Variants in HDAC9 observed in about 807,000 individuals in gnomAD.
HDAC9 encodes the protein MEF-2 interacting transcription repressor (MITR) protein.
Under a neutral mutation model 139.4 loss-of-function variants are expected in HDAC9, and 41 were observed. The ratio of observed to expected loss-of-function variants is 0.29; its 90% CI spans 0.23 to 0.38. The LOEUF (loss-of-function observed/expected upper bound fraction) is 0.38. Among genes scored for constraint, HDAC9 ranks in the 10% least tolerant of loss-of-function variants. The pLI is 1.00. For synonymous variants in HDAC9, 517 were observed against 476.2 expected, an observed-to-expected ratio of 1.09 and a Z score of -1.12; for missense variants, 1,147 against 1,297.0, an observed-to-expected ratio of 0.88 and a Z score of 1.78.
chr7:18,683,858 C>CT (rs1395014032), intron 12 of HDAC9, among the ~76,000 whole-genome samples: 16 of 152,058 alleles, frequency 1.1e-4, no homozygotes, highest in Admixed American at 7.2e-4. Flanking sequence ...ATTTTTCAAA[C>CT]TTTTTTAATT....
chr7:18,645,114 C>T (rs1786959442), intron 9 of HDAC9, among the ~76,000 whole-genome samples: 1 of 152,060 alleles, frequency 6.6e-6, no homozygotes, highest in Admixed American at 6.6e-5. Flanking sequence ...TTACAGCCCA[C>T]GTTTTTACAG....
intron 22 of HDAC9, among the ~76,000 whole-genome samples, chr7:18,920,104 C>A (rs1436422800): frequency 6.6e-6 from 1 of 152,112 alleles, no homozygotes; most frequent in East Asian, 1.9e-4. Context: ...GCCATTTTCA[C>A]AAGATTGATT....
intron 1 of HDAC9, among the ~76,000 whole-genome samples, chr7:18,409,898 C>T (rs540554905): frequency 1.3e-5 from 2 of 152,248 alleles, no homozygotes; most frequent in East Asian, 1.9e-4. Flanking sequence ...AGGAGCATAG[C>T]TTGTTTTAGC....
chr7:18,554,368 T>C (rs1220639184), intron 2 of HDAC9, among the ~76,000 whole-genome samples: 2 of 137,898 alleles, frequency 1.5e-5, no homozygotes, highest in Admixed American at 7.5e-5. Context: ...ACGGAGTCTC[T>C]GTCATCACCC....
intron 17 of HDAC9, among the ~76,000 whole-genome samples, chr7:18,810,644 A>C (rs1372658411): frequency 6.6e-6 from 1 of 151,920 alleles, no homozygotes; most frequent in Non-Finnish European, 1.5e-5. Context: ...AAAATATTTA[A>C]ATCACCCCAG....
At chr7:18,701,759 C>T (rs768555373) in intron 12 of HDAC9, among the ~76,000 whole-genome samples, 4 of 152,222 alleles carry the variant, frequency 2.6e-5, no homozygotes, top group Non-Finnish European at 5.9e-5. Flanking sequence ...TGTCCAAAGA[C>T]ACCCTAGATT....
intron 1 of HDAC9, among the ~76,000 whole-genome samples, chr7:18,385,714 T>C (rs112306806): frequency 0.017 from 2,554 of 152,288 alleles, 65 homozygotes; most frequent in African/African-American, 0.057. Flanking sequence ...CTAAACAACA[T>C]GATAGTGACC....
intron 20 of HDAC9, 87 bp downstream of exon 20, chr7:18,835,673 T>G (rs1226892699): frequency 6.5e-7 from 1 of 1,547,506 alleles, no homozygotes; most frequent in Non-Finnish European, 8.9e-7. Context: ...TCTTGTCCTT[T>G]GCTGGTGTTT....
chr7:18,746,342 C>T (rs1256441085), intron 13 of HDAC9, among the ~76,000 whole-genome samples: 1 of 152,132 alleles, frequency 6.6e-6, no homozygotes, highest in Non-Finnish European at 1.5e-5. Flanking sequence ...ACGTCTTACA[C>T]ATCTCTGTAT....
chr7:18,877,734 G>A (rs76117450), intron 22 of HDAC9, among the ~76,000 whole-genome samples: 2,480 of 152,158 alleles, frequency 0.016, 94 homozygotes, highest in East Asian at 0.15. Context: ...TAAAAGGTTG[G>A]TGTAATCACC....
chr7:18,622,672 T>C (rs925731044), intron 6 of HDAC9, among the ~76,000 whole-genome samples: 1 of 152,006 alleles, frequency 6.6e-6, no homozygotes, highest in African/African-American at 2.4e-5. Flanking sequence ...TAATTAATCA[T>C]CTTAATATAT....
chr7:18,749,675 G>A (rs1402848247), intron 14 of HDAC9, among the ~76,000 whole-genome samples: 2 of 152,090 alleles, frequency 1.3e-5, no homozygotes, highest in East Asian at 3.9e-4. Context: ...TAGGCGCTTG[G>A]TGAATACCAT....
At chr7:18,307,221 G>A (rs1798983518) in intron 1 of HDAC9, among the ~76,000 whole-genome samples, 2 of 151,308 alleles carry the variant, frequency 1.3e-5, no homozygotes, top group Admixed American at 6.6e-5. Flanking sequence ...TCATTTATGA[G>A]CTTTGAGTCC....
At chr7:18,123,093 C>T (rs1784453950) in intron 1 of HDAC9, among the ~76,000 whole-genome samples, 1 of 152,068 alleles carries the variant, frequency 6.6e-6, no homozygotes, top group African/African-American at 2.4e-5. Context: ...AGCCCAATAC[C>T]TATTTAATTT....
chr7:18,869,153 T>G (rs1798720766), intron 21 of HDAC9, among the ~76,000 whole-genome samples: 1 of 134,994 alleles, frequency 7.4e-6, no homozygotes, highest in Admixed American at 7.0e-5. Flanking sequence ...TTGGGGTGTG[T>G]GTGTGTGTGT....
intron 6 of HDAC9, among the ~76,000 whole-genome samples, chr7:18,621,597 A>G (rs1840222430): frequency 6.6e-6 from 1 of 152,140 alleles, no homozygotes; most frequent in African/African-American, 2.4e-5. Flanking sequence ...GTGCCTAGAA[A>G]TTCCCCCAAA....
In HDAC9 at chr7:18,539,667, T is replaced by TTTG. The variant is rs371576433; in HGVS notation, c.22+43370_22+43372dup. ...ATCTGAAATTATTCCAAACAAAAAG[T>TTTG]TTGTTGTTGTTGTTGTTGTTGTTGT... On this transcript the variant is annotated intron_variant, in intron 2 of 25. Coordinates refer to ENST00000686413, the MANE Select transcript of HDAC9 (RefSeq NM_178425.4). Among the ~76,000 whole-genome samples, 1,151 of 151,628 alleles carry TTTG rather than the reference T, an allele frequency of 7.6e-3. 5 individuals carry two copies. The highest frequency in any genetic ancestry group is 0.017 in the Middle Eastern group (5 of 292).
At chr7:18,220,688 G>A (rs1792635680) in intron 2 of HDAC9, among the ~76,000 whole-genome samples, 1 of 152,166 alleles carries the variant, frequency 6.6e-6, no homozygotes, top group South Asian at 2.1e-4. Flanking sequence ...TCAGAATACT[G>A]AGAACCTTAA....
intron 2 of HDAC9, among the ~76,000 whole-genome samples, chr7:18,241,909 T>A (rs1022225405): frequency 6.6e-6 from 1 of 152,162 alleles, no homozygotes; most frequent in Non-Finnish European, 1.5e-5. Context: ...AGAGCCTAGG[T>A]CTGTCTAGGG....
Sources: gnomAD v4.1 joint callset for allele counts (sites outside exome capture counted in the v4.1 genomes callset) on GRCh38, gnomAD v4.1.1 for gene constraint, MANE v1.5 for transcripts, NCBI Gene and HGNC (gene_info 2026-07-23, HGNC 2026-07-21) for gene names.